TBC1D5: variants seen among roughly 807,000 people sequenced by gnomAD.
The protein encoded by TBC1D5 is TBC1 domain family, member 5.
TBC1D5 carries 75 observed loss-of-function variants against 100.3 expected under a neutral mutation model. The ratio of observed to expected loss-of-function variants is 0.75; its 90% CI spans 0.62 to 0.91. The LOEUF is 0.91. TBC1D5 is among the 40% of genes least tolerant of loss of function. The probability of loss-of-function intolerance (pLI) is 0.00; values close to 1 mark genes in which losing one functional copy is unlikely to be tolerated. For missense variants in TBC1D5, 910 were observed against 942.4 expected (o/e 0.97, Z 0.45); for synonymous variants, 323 against 325.6 (o/e 0.99, Z 0.09).
In TBC1D5 at chr3:17,268,397, C is replaced by G. The variant is rs1040806251; in HGVS notation, c.1246-9806G>C. Among the ~76,000 whole-genome samples the G allele has an allele frequency of 3.0e-4, 45 of 151,798 alleles. 1 individual carries two copies. The highest frequency in any genetic ancestry group is 2.3e-3 in the Admixed American group (35 of 15,226). On this transcript the variant is annotated intron_variant, in intron 15 of 21. Coordinates refer to ENST00000253692, the Ensembl canonical transcript of TBC1D5. ...TGCTTTCTGGTAAAGATTTTGGTCTCCTTTCTAGAATAATGTTTTAAAAAA... is the reference window on the plus strand; with the variant it reads ...TGCTTTCTGGTAAAGATTTTGGTCTGCTTTCTAGAATAATGTTTTAAAAAA...
At chr3:17,169,110 C>A (rs1332240520) in intron 19 of TBC1D5, among the ~76,000 whole-genome samples, 1 of 152,218 alleles carries the variant, frequency 6.6e-6, no homozygotes, top group Non-Finnish European at 1.5e-5. Flanking sequence ...ACTCTCCAGT[C>A]TCTACCATAC....
chr3:17,527,798 C>G (rs1364749097), intron 2 of TBC1D5, among the ~76,000 whole-genome samples: 1 of 152,122 alleles, frequency 6.6e-6, no homozygotes, highest in Non-Finnish European at 1.5e-5. Context: ...TGACAATCTT[C>G]AAGATGTTTC....
chr3:17,332,685 G>C (rs1239590168), intron 13 of TBC1D5, among the ~76,000 whole-genome samples: 2 of 151,650 alleles, frequency 1.3e-5, no homozygotes, highest in Non-Finnish European at 2.9e-5. Context: ...AATTAGAAGG[G>C]GGGTAATTCA....
At chr3:17,248,070 C>A (rs1409144586) in intron 16 of TBC1D5, among the ~76,000 whole-genome samples, 1 of 151,738 alleles carries the variant, frequency 6.6e-6, no homozygotes, top group East Asian at 1.9e-4. Context: ...CTGCTCACTG[C>A]AACCTCTGCC....
chr3:17,184,068 TA>T (rs2068739600), intron 19 of TBC1D5, among the ~76,000 whole-genome samples: 1 of 152,192 alleles, frequency 6.6e-6, no homozygotes, highest in South Asian at 2.1e-4. Flanking sequence ...ATAAATGGGC[TA>T]AAAAATGGTA....
intron 1 of TBC1D5, among the ~76,000 whole-genome samples, chr3:17,650,142 C>T (rs374760924): frequency 1.2e-4 from 18 of 148,872 alleles, no homozygotes; most frequent in East Asian, 8.2e-4. Flanking sequence ...GGGCCTCTTG[C>T]GGGGTGGGGG....
chr3:17,520,277 T>A (rs2096049482), intron 2 of TBC1D5, among the ~76,000 whole-genome samples: 1 of 152,172 alleles, frequency 6.6e-6, no homozygotes, highest in African/African-American at 2.4e-5. Flanking sequence ...GTAAAATAAA[T>A]GTTCTGAATA....
At chr3:17,434,345 G>A (rs1203064048) in intron 3 of TBC1D5, among the ~76,000 whole-genome samples, 1 of 152,146 alleles carries the variant, frequency 6.6e-6, no homozygotes, top group Non-Finnish European at 1.5e-5. Flanking sequence ...TGAAATCTAG[G>A]CAGAGATTCC....
chr3:17,284,683 G>A (rs1245996553), intron 15 of TBC1D5, among the ~76,000 whole-genome samples: 1 of 152,156 alleles, frequency 6.6e-6, no homozygotes, highest in Non-Finnish European at 1.5e-5. Context: ...ATTATGAAAT[G>A]TCTGAAACCA....
At chr3:17,579,671 G>GA (rs2096680787) in intron 2 of TBC1D5, among the ~76,000 whole-genome samples, 2 of 151,880 alleles carry the variant, frequency 1.3e-5, no homozygotes, top group South Asian at 4.1e-4. Context: ...CAAAAAAAAA[G>GA]AATTTTCCTC....
chr3:17,560,616 C>G (rs1465231994), intron 2 of TBC1D5, among the ~76,000 whole-genome samples: 1 of 68,338 alleles, frequency 1.5e-5, no homozygotes, highest in Non-Finnish European at 2.6e-5. Context: ...AAAACCTTGT[C>G]TTTAAAAAAA....
intron 13 of TBC1D5, among the ~76,000 whole-genome samples, chr3:17,370,714 G>A (rs185566297): frequency 9.8e-5 from 15 of 152,308 alleles, no homozygotes; most frequent in Middle Eastern, 3.4e-3. Context: ...GGAAGACTCT[G>A]TATAAAATGA....
intron 13 of TBC1D5, among the ~76,000 whole-genome samples, chr3:17,326,472 T>A (rs2086152060): frequency 1.3e-5 from 2 of 152,176 alleles, no homozygotes; most frequent in African/African-American, 4.8e-5. Context: ...TATTTTTTAT[T>A]ATTTTATTTA....
intron 3 of TBC1D5, among the ~76,000 whole-genome samples, chr3:17,455,005 T>C (rs935542304): frequency 6.6e-6 from 1 of 151,842 alleles, no homozygotes; most frequent in African/African-American, 2.4e-5. Flanking sequence ...ATTGCTAAAA[T>C]GTCCATACTA....
chr3:17,365,212 G>C (rs2092028831), intron 13 of TBC1D5, among the ~76,000 whole-genome samples: 1 of 151,958 alleles, frequency 6.6e-6, no homozygotes, highest in African/African-American at 2.4e-5. Context: ...TCTTACACTT[G>C]TTTTCCTCTT....
At chr3:17,445,842 C>T (rs2094779273) in intron 3 of TBC1D5, among the ~76,000 whole-genome samples, 1 of 152,088 alleles carries the variant, frequency 6.6e-6, no homozygotes, top group Non-Finnish European at 1.5e-5. Context: ...GGACCATATT[C>T]GCCACAGATA....
intron 13 of TBC1D5, chr3:17,338,471 A>T (rs1266885864): frequency 6.6e-6 from 1 of 152,176 alleles, no homozygotes; most frequent in Non-Finnish European, 1.5e-5. Context: ...GGCTATCATC[A>T]ATCTTCTCTT....
At chr3:17,493,694 C>G (rs1560014058) in intron 3 of TBC1D5, among the ~76,000 whole-genome samples, 1 of 152,128 alleles carries the variant, frequency 6.6e-6, no homozygotes, top group Admixed American at 6.5e-5. Context: ...AGTCTGATAT[C>G]CTTTCTTCCA....
chr3:17,345,590 A>T (rs902337628), intron 13 of TBC1D5, among the ~76,000 whole-genome samples: 3 of 151,872 alleles, frequency 2.0e-5, no homozygotes, highest in African/African-American at 4.8e-5. Context: ...AAAGGACTAT[A>T]AATCATGCTG....
Sources: allele counts gnomAD v4.1 joint callset (sites outside exome capture counted in the v4.1 genomes callset), GRCh38; gene constraint gnomAD v4.1.1; transcripts MANE v1.5; gene names NCBI Gene and HGNC (gene_info 2026-07-23, HGNC 2026-07-21).